The following TRAF2 variants were observed in gnomAD, a reference collection of about 807,000 sequenced individuals.
The protein encoded by TRAF2 is TNF receptor associated factor 2, also known as TNF receptor-associated factor 2.
Under a neutral mutation model 55.6 loss-of-function variants are expected in TRAF2, and 6 were observed. That is an observed-to-expected ratio of 0.11 (90% CI 0.06 to 0.21). The LOEUF (loss-of-function observed/expected upper bound fraction) is 0.21. Among genes scored for constraint, TRAF2 ranks in the 10% least tolerant of loss-of-function variants. TRAF2 has a pLI of 1.00. For synonymous variants in TRAF2, 329 were observed against 276.3 expected, an observed-to-expected ratio of 1.19 and a Z score of -1.89; for missense variants, 561 against 684.5, an observed-to-expected ratio of 0.82 and a Z score of 2.01.
chr9:136,909,728 G>A (rs575167615), intron 5 of TRAF2, among the ~76,000 whole-genome samples, 192 bp from the exon 6 acceptor site: 5 of 152,314 alleles, frequency 3.3e-5, no homozygotes, highest in South Asian at 4.1e-4. Flanking sequence ...CAAACAAAGC[G>A]TTAAGATCTC....
intron 6 of TRAF2, among the ~76,000 whole-genome samples, chr9:136,912,152 CT>C (rs1180324647): frequency 1.1e-3 from 65 of 58,332 alleles, no homozygotes; most frequent in East Asian, 3.0e-3. Flanking sequence ...GCGTCTGGCC[CT>C]TTTTTTTTTT....
chr9:136,925,373 CTAATAA>C (rs932205382), intron 10 of TRAF2, among the ~76,000 whole-genome samples: 4 of 152,206 alleles, frequency 2.6e-5, no homozygotes, highest in African/African-American at 9.7e-5. Flanking sequence ...TTGCATTTTC[CTAATAA>C]TAATTCAAGT....
At chr9:136,883,479 G>T (rs144541815), upstream of TRAF2, among the ~76,000 whole-genome samples, 1 of 152,110 alleles carries the variant, frequency 6.6e-6, no homozygotes, top group East Asian at 1.9e-4. Context: ...TGACTTTCCC[G>T]TTACCCTGAA....
At chr9:136,890,085 A>C (rs1370671407) in intron 1 of TRAF2, among the ~76,000 whole-genome samples, 18 of 71,312 alleles carry the variant, frequency 2.5e-4, no homozygotes, top group African/African-American at 4.6e-4. Flanking sequence ...GTGAGTCCCC[A>C]CCGCACGCTT....
chr9:136,919,629 AT>A (rs1235838995), intron 7 of TRAF2, among the ~76,000 whole-genome samples: 2 of 150,118 alleles, frequency 1.3e-5, no homozygotes, highest in African/African-American at 2.5e-5. Context: ...TGTTGCTTTT[AT>A]TTTTCTTTTC....
At chr9:136,901,867 CTCT>C (rs1849828366) in intron 4 of TRAF2, 1 of 152,214 alleles carries the variant, frequency 6.6e-6, no homozygotes, top group African/African-American at 2.4e-5. Context: ...CCACGCCTCC[CTCT>C]TCTCCTCGCC....
intron 4 of TRAF2, among the ~76,000 whole-genome samples, chr9:136,906,308 G>A (rs1849949226): frequency 1.3e-5 from 2 of 152,036 alleles, no homozygotes; most frequent in Admixed American, 1.3e-4. Context: ...CCGAGACTTG[G>A]GTAGTTTATA....
rs1158863446 is a variant in TRAF2 at position 136,926,024 on chromosome 9, A to C, written c.*123A>C. The C allele has an allele frequency of 5.7e-6, 7 of 1,227,154 alleles. No homozygotes were observed. The highest frequency in any genetic ancestry group is 8.3e-6 in the Non-Finnish European group (7 of 846,570). The allele number at this position is 1,227,154 out of a possible 1,614,324, so 76.0% of individuals were successfully genotyped here. Reference sequence around the variant, plus strand: ...CAGGGGCCGCGCTTGGGCGCTTGGGAGGGTGTCGGCCTGCAGCCAAGTTCA... The same window carrying C: ...CAGGGGCCGCGCTTGGGCGCTTGGGCGGGTGTCGGCCTGCAGCCAAGTTCA... On this transcript the variant is annotated 3_prime_UTR_variant, in exon 11 of 11. Transcript: ENST00000247668.
chr9:136,891,771 G>T (rs572355251), intron 1 of TRAF2, among the ~76,000 whole-genome samples: 1 of 151,568 alleles, frequency 6.6e-6, no homozygotes, highest in South Asian at 2.1e-4. Flanking sequence ...GCCCAAGCTG[G>T]AGAGCAGTGG....
intron 7 of TRAF2, among the ~76,000 whole-genome samples, chr9:136,918,474 G>A (rs975687078): frequency 6.6e-6 from 1 of 151,700 alleles, no homozygotes; most frequent in Admixed American, 6.6e-5. Context: ...ATTTTTAGTA[G>A]AGATGAGGTT....
At chr9:136,883,983 C>G (rs1039677614), upstream of TRAF2, among the ~76,000 whole-genome samples, 1 of 151,928 alleles carries the variant, frequency 6.6e-6, no homozygotes, top group African/African-American at 2.4e-5. Context: ...TACCACCATG[C>G]CCAGCTAATT....
chr9:136,923,787 C>A (rs1169640149), intron 9 of TRAF2, 65 bp from the exon 10 acceptor site: 11 of 1,553,568 alleles, frequency 7.1e-6, no homozygotes, highest in Non-Finnish European at 5.3e-6. Context: ...GGCAGCCAGG[C>A]AGGAAGAGCC....
chr9:136,906,906 C>CG (rs1554780351), intron 4 of TRAF2, among the ~76,000 whole-genome samples: 1 of 152,228 alleles, frequency 6.6e-6, no homozygotes, highest in Non-Finnish European at 1.5e-5. Flanking sequence ...GTGACTGCTG[C>CG]GGCTTCCCAA....
At chr9:136,905,932 G>A (rs1849938296) in intron 4 of TRAF2, among the ~76,000 whole-genome samples, 2 of 152,166 alleles carry the variant, frequency 1.3e-5, no homozygotes, top group African/African-American at 4.8e-5. Flanking sequence ...GTGAAACCCT[G>A]TCTGTACTAA....
intron 7 of TRAF2, among the ~76,000 whole-genome samples, chr9:136,919,717 C>T (rs1317954153): frequency 4.0e-5 from 6 of 151,654 alleles, no homozygotes; most frequent in Admixed American, 3.9e-4. Flanking sequence ...CTGTCCCGTC[C>T]CTTTTTTCTT....
intron 8 of TRAF2, 50 bp downstream of exon 8, chr9:136,920,565 A>T (rs893230175): frequency 3.9e-6 from 6 of 1,548,952 alleles, no homozygotes; most frequent in Middle Eastern, 1.7e-4. Flanking sequence ...GTAAAGGGGG[A>T]TAGTGTTCGT....
At chr9:136,919,711 C>T (rs1418074856) in intron 7 of TRAF2, among the ~76,000 whole-genome samples, 2 of 151,700 alleles carry the variant, frequency 1.3e-5, no homozygotes, top group African/African-American at 4.8e-5. Flanking sequence ...CTCGTCCTGT[C>T]CCGTCCCTTT....
chr9:136,911,264 C>CTTTTTTTTTTTTTTTT (rs34077067), intron 6 of TRAF2, among the ~76,000 whole-genome samples: 3 of 122,564 alleles, frequency 2.4e-5, no homozygotes, highest in Admixed American at 1.6e-4. Flanking sequence ...TCCTTCCCGT[C>CTTTTTTTTTTTTTTTT]TTTTTTTTTT....
chr9:136,914,076 C>T (rs1850184501), intron 6 of TRAF2, among the ~76,000 whole-genome samples: 1 of 152,230 alleles, frequency 6.6e-6, no homozygotes, highest in Non-Finnish European at 1.5e-5. Flanking sequence ...CATGGTGATG[C>T]TGGCAGGAAC....
Sources: gnomAD v4.1 joint callset for allele counts (sites outside exome capture counted in the v4.1 genomes callset) on GRCh38, gnomAD v4.1.1 for gene constraint, MANE v1.5 for transcripts, NCBI Gene and HGNC (gene_info 2026-07-23, HGNC 2026-07-21) for gene names.